SLC35F3: variants seen among roughly 807,000 people sequenced by gnomAD.
SLC35F3 encodes the protein putative thiamine transporter SLC35F3.
Under a neutral mutation model 49.9 loss-of-function variants are expected in SLC35F3, and 25 were observed. The observed-to-expected ratio is 0.50, with a 90% CI of 0.37 to 0.70. The LOEUF is 0.70. Among genes scored for constraint, SLC35F3 ranks in the 30% least tolerant of loss-of-function variants. SLC35F3 has a pLI of 0.00. For missense variants in SLC35F3, 525 were observed against 639.8 expected (o/e 0.82, Z 1.94); for synonymous variants, 275 against 265.4 (o/e 1.04, Z -0.35).
At chr1:233,981,529 G>A (rs910834374) in intron 2 of SLC35F3, among the ~76,000 whole-genome samples, 1 of 152,128 alleles carries the variant, frequency 6.6e-6, no homozygotes, top group Admixed American at 6.5e-5. Flanking sequence ...CAACAGCGTG[G>A]ATGTGTCACA....
intron 3 of SLC35F3, among the ~76,000 whole-genome samples, chr1:234,297,616 C>T (rs574925445): frequency 8.5e-5 from 13 of 152,150 alleles, no homozygotes; most frequent in African/African-American, 7.2e-5. Context: ...CAGTGGCTCA[C>T]GCCTGTAATC....
At chr1:233,931,497 A>T (rs556745839) in intron 2 of SLC35F3, among the ~76,000 whole-genome samples, 2 of 152,250 alleles carry the variant, frequency 1.3e-5, no homozygotes, top group Admixed American at 1.3e-4. Context: ...TTATGAACCG[A>T]CGCTTCTCAA....
intron 2 of SLC35F3, among the ~76,000 whole-genome samples, chr1:233,921,765 T>A (rs1369486411): frequency 1.3e-5 from 2 of 151,900 alleles, no homozygotes; most frequent in African/African-American, 4.8e-5. Flanking sequence ...AACCCGTCAT[T>A]TACATTAGGT....
intron 6 of SLC35F3, among the ~76,000 whole-genome samples, chr1:234,319,609 G>C (rs10910413): frequency 0.11 from 16,189 of 152,126 alleles, 953 homozygotes; most frequent in African/African-American, 0.15. Flanking sequence ...GGCTGAAGTG[G>C]GAGGATCACT....
intron 2 of SLC35F3, among the ~76,000 whole-genome samples, chr1:234,108,680 AT>A (rs946381482): frequency 5.2e-5 from 5 of 95,640 alleles, no homozygotes; most frequent in Non-Finnish European, 8.1e-5. Context: ...AGATATATAT[AT>A]TTTTATATAT....
chr1:234,078,289 C>G (rs1664826701), intron 2 of SLC35F3, among the ~76,000 whole-genome samples: 1 of 152,146 alleles, frequency 6.6e-6, no homozygotes, highest in Non-Finnish European at 1.5e-5. Flanking sequence ...CTTCAGCACC[C>G]ACTGTTTCTC....
At chr1:233,974,685 G>A (rs1193919453) in intron 2 of SLC35F3, among the ~76,000 whole-genome samples, 1 of 152,104 alleles carries the variant, frequency 6.6e-6, no homozygotes, top group Non-Finnish European at 1.5e-5. Flanking sequence ...CGAAGCAGTG[G>A]CTCCATGCTC....
At chr1:234,253,597 T>C (rs1667771992) in intron 3 of SLC35F3, among the ~76,000 whole-genome samples, 1 of 152,040 alleles carries the variant, frequency 6.6e-6, no homozygotes, top group Non-Finnish European at 1.5e-5. Context: ...CATTATGTTG[T>C]CAAAAAGAAG....
Position 233,999,427 on chromosome 1 carries a change from A to G in SLC35F3, c.283+93669A>G, listed in dbSNP as rs147062172. 2.0e-3 allele frequency among the ~76,000 whole-genome samples: 299 copies of G among 152,152 alleles called. 3 individuals are homozygous for G. The highest frequency in any genetic ancestry group is 0.01 in the South Asian group (49 of 4,816). ...TTATCCTATTTCTCTGCCGCTCCAT[A>G]TCTTCCAAGGGCTCCTTATTTCCTG... On this transcript the variant is annotated intron_variant, in intron 2 of 7. Transcript: ENST00000366618.
At chr1:233,974,147 A>G (rs894448604) in intron 2 of SLC35F3, among the ~76,000 whole-genome samples, 2 of 129,186 alleles carry the variant, frequency 1.5e-5, no homozygotes, top group East Asian at 2.3e-4. Context: ...GCAGGAGACT[A>G]TTACATTCCA....
chr1:234,173,743 A>G (rs1018480336), intron 2 of SLC35F3, among the ~76,000 whole-genome samples: 1 of 152,236 alleles, frequency 6.6e-6, no homozygotes, highest in African/African-American at 2.4e-5. Flanking sequence ...CATTCTGACC[A>G]TAGCCCCTGC....
At chr1:234,270,714 C>A (rs374134214) in intron 3 of SLC35F3, among the ~76,000 whole-genome samples, 1 of 152,338 alleles carries the variant, frequency 6.6e-6, no homozygotes, top group East Asian at 1.9e-4. Context: ...AGAGCAAAGG[C>A]TTTTTGCGAG....
chr1:233,910,547 G>T (rs542109071), intron 2 of SLC35F3, among the ~76,000 whole-genome samples: 1 of 152,192 alleles, frequency 6.6e-6, no homozygotes, highest in Admixed American at 6.5e-5. Context: ...GTGTGCCTTC[G>T]TCTAGAAATA....
In SLC35F3 at chr1:234,214,574, G is replaced by T; in HGVS notation, c.284-16843G>T. The T allele has an allele frequency of 6.5e-7, 1 of 1,540,728 alleles. No individual in the cohort carries two copies. Among genetic ancestry groups the T allele is most frequent in the Non-Finnish European group, 8.7e-7 (1 of 1,145,368 alleles). On this transcript the variant is annotated intron_variant, in intron 2 of 7. Coordinates refer to ENST00000366618, the MANE Select transcript of SLC35F3 (RefSeq NM_173508.4). This position sits in a 1 kb window ranked among gnomAD's most constrained non-coding sequence, Gnocchi z 8.0. ...GGTCCTGACCCTTACCAAAGTGGAA[G>T]GTAATGCGCGGCCGCCTCGCCCCGG...
intron 2 of SLC35F3, among the ~76,000 whole-genome samples, chr1:233,943,130 T>C (rs963440664): frequency 6.6e-6 from 1 of 152,214 alleles, no homozygotes; most frequent in Admixed American, 6.5e-5. Context: ...CCAAACATCA[T>C]TTCCAGGGTA....
At chr1:234,242,014 T>G (rs1261712331) in intron 3 of SLC35F3, among the ~76,000 whole-genome samples, 2 of 152,266 alleles carry the variant, frequency 1.3e-5, no homozygotes, top group African/African-American at 4.8e-5. Context: ...TTTTTGGCAC[T>G]GGCATTCTCT....
chr1:234,233,026 C>T (rs777632117), intron 3 of SLC35F3, among the ~76,000 whole-genome samples: 22 of 152,228 alleles, frequency 1.4e-4, no homozygotes, highest in South Asian at 6.2e-4. Context: ...CTTAGTGAAA[C>T]GGATTTGGTG....
chr1:234,200,165 CA>C (rs369057237), intron 2 of SLC35F3, among the ~76,000 whole-genome samples: 2 of 151,462 alleles, frequency 1.3e-5, no homozygotes, highest in Admixed American at 6.6e-5. Flanking sequence ...ATCACTACGT[CA>C]AAAAAAATGT....
chr1:234,017,715 G>GAA (rs35271984), intron 2 of SLC35F3, among the ~76,000 whole-genome samples: 1,164 of 91,714 alleles, frequency 0.013, 25 homozygotes, highest in South Asian at 0.017. Flanking sequence ...CTTTGTCTCA[G>GAA]AAAAAAAAAA....
Sources: allele counts gnomAD v4.1 joint callset (sites outside exome capture counted in the v4.1 genomes callset), GRCh38; gene constraint gnomAD v4.1.1; non-coding constraint Gnocchi (gnomAD v3.1); transcripts MANE v1.5; gene names NCBI Gene and HGNC (gene_info 2026-07-23, HGNC 2026-07-21).